Variants in SCN9A observed in about 807,000 individuals in gnomAD.
The protein encoded by SCN9A is sodium channel protein type 9 subunit alpha.
SCN9A carries 131 observed loss-of-function variants against 187.0 expected under a neutral mutation model. The observed-to-expected ratio is 0.70, with a 90% confidence interval of 0.61 to 0.81. The LOEUF is 0.81. Ranked by LOEUF, SCN9A falls within the 30% of genes least tolerant of loss-of-function variation. The pLI, the probability that SCN9A is intolerant of heterozygous loss-of-function variation, is 0.00. For missense variants in SCN9A, 2,252 were observed against 2,396.6 expected (o/e 0.94, Z 1.26); for synonymous variants, 809 against 808.6 (o/e 1.00, Z -0.01).
intron 18 of SCN9A, 60 bp from the exon 19 acceptor site, chr2:166,242,716 C>A: frequency 7.6e-7 from 1 of 1,320,836 alleles, no homozygotes; most frequent in Non-Finnish European, 1.0e-6. Flanking sequence ...ATTTTTAATA[C>A]ATTATTTAAT....
intron 12 of SCN9A, among the ~76,000 whole-genome samples, chr2:166,284,081 G>A (rs1697617634): frequency 6.6e-6 from 1 of 152,150 alleles, no homozygotes; most frequent in South Asian, 2.1e-4. Flanking sequence ...TAGCTGGCAA[G>A]TAATCCAAAT....
intron 4 of SCN9A, 51 bp from the exon 5 acceptor site, chr2:166,305,971 C>T (rs1325890258): frequency 7.5e-6 from 12 of 1,593,150 alleles, no homozygotes; most frequent in Non-Finnish European, 3.4e-6. Context: ...ATACAACCAC[C>T]ATGTAAATCT....
At chr2:166,263,830 G>A (rs1340845993) in intron 17 of SCN9A, among the ~76,000 whole-genome samples, 2 of 151,966 alleles carry the variant, frequency 1.3e-5, no homozygotes, top group Non-Finnish European at 2.9e-5. Flanking sequence ...CAGAGATTGG[G>A]ATGATGCAGC....
At chr2:166,202,890 A>C (rs568095731) in intron 26 of SCN9A, among the ~76,000 whole-genome samples, 4 of 151,802 alleles carry the variant, frequency 2.6e-5, no homozygotes, top group African/African-American at 9.7e-5. Context: ...CATTATATGA[A>C]GAAGGTCATT....
Position 166,340,605 on chromosome 2 carries a change from TTTCTTTCTTTCTTTC to T in SCN9A, c.-50-28814_-50-28800del, listed in dbSNP as rs1559051198. On this transcript the variant is annotated intron_variant, in intron 1 of 26. Transcript: ENST00000642356. ...TTCTTTCTTTCTTTCTTTCTTTCTTTTTCTTTCTTTCTTTCCTTTCTCTTCTTTCTTTTTTGATAG... is the reference window on the plus strand; with the variant it reads ...TTCTTTCTTTCTTTCTTTCTTTCTTTCTTTCTCTTCTTTCTTTTTTGATAG... Among the ~76,000 whole-genome samples, 302 of 74,926 alleles carry T rather than the reference TTTCTTTCTTTCTTTC, an allele frequency of 4.0e-3. 10 individuals carry two copies. The highest frequency in any genetic ancestry group is 0.016 in the African/African-American group (164 of 10,238). The allele number at this position is 74,926 out of a possible 152,430, so 49.2% of individuals were successfully genotyped here. A position where few individuals can be genotyped will look rare whatever the true frequency, so the allele number is the denominator to read the frequency against.
rs1423270183 is a variant in SCN9A, at chr2:166,362,023, A to G, written c.-51+13674T>C. Reference sequence around the variant, plus strand: ...AAAATAAGTGAGTTAAGAAGCATGCATGCCAAAGTATTCTTTGGAACATTT... The same window carrying G: ...AAAATAAGTGAGTTAAGAAGCATGCGTGCCAAAGTATTCTTTGGAACATTT... On this transcript the variant is annotated intron_variant, in intron 1 of 26. Transcript: ENST00000642356. Among the ~76,000 whole-genome samples, 5 of 152,224 alleles carry G rather than the reference A, an allele frequency of 3.3e-5. No homozygotes were observed. The East Asian group carries it at 9.6e-4, about 29-fold the overall frequency.
intron 1 of SCN9A, 30 bp downstream of exon 1, chr2:166,375,667 C>A (rs200292819): frequency 6.6e-6 from 1 of 152,394 alleles, no homozygotes; most frequent in Non-Finnish European, 1.5e-5. Context: ...CTCCCCTCCC[C>A]ACAGAAGCAG....
intron 13 of SCN9A, among the ~76,000 whole-genome samples, chr2:166,281,444 G>C (rs939792750): frequency 2.6e-5 from 4 of 151,722 alleles, no homozygotes; most frequent in Non-Finnish European, 4.4e-5. Context: ...TTTTCATTTT[G>C]CAAAGTCATT....
chr2:166,337,740 A>G (rs959140018), intron 1 of SCN9A, among the ~76,000 whole-genome samples: 1 of 152,064 alleles, frequency 6.6e-6, no homozygotes, highest in South Asian at 2.1e-4. Flanking sequence ...TTTAATCCAG[A>G]CTCCAACACT....
At chr2:166,327,687 TACA>T (rs1006730724) in intron 1 of SCN9A, among the ~76,000 whole-genome samples, 61 of 152,168 alleles carry the variant, frequency 4.0e-4, no homozygotes, top group African/African-American at 1.4e-3. Context: ...CTTTCCTCAC[TACA>T]ACACCTCAAT....
rs1558960914 is a variant in SCN9A at position 166,222,957 on chromosome 2, A to AAAAAAAAAAAAAAAAAAC, written c.4398+3609_4398+3610insGTTTTTTTTTTTTTTTTT. Among the ~76,000 whole-genome samples the AAAAAAAAAAAAAAAAAAC allele has an allele frequency of 1.4e-5, 2 of 146,224 alleles. 1 individual carries two copies. Among genetic ancestry groups the AAAAAAAAAAAAAAAAAAC allele is most frequent in the African/African-American group, 4.9e-5 (2 of 40,512 alleles). On this transcript the variant is annotated intron_variant, in intron 24 of 26. Coordinates refer to ENST00000642356, the MANE Select transcript of SCN9A (RefSeq NM_001365536.1). ...AAAAAAAAAACAACAAAAAAAAAAA[A>AAAAAAAAAAAAAAAAAAC]AAAAAAAAAAAAAAACAGCAACAAA...
At chr2:166,353,450 T>A (rs1025318348) in intron 1 of SCN9A, among the ~76,000 whole-genome samples, 3 of 152,190 alleles carry the variant, frequency 2.0e-5, no homozygotes, top group Non-Finnish European at 4.4e-5. Context: ...TGGTCTGTCA[T>A]AGAAGGTTTT....
intron 26 of SCN9A, among the ~76,000 whole-genome samples, chr2:166,202,258 T>C: frequency 6.6e-6 from 1 of 151,570 alleles, no homozygotes; most frequent in African/African-American, 2.4e-5. Context: ...TAAGAGTATA[T>C]GGTTATATGT....
chr2:166,268,131 G>T (rs1696820174), intron 17 of SCN9A, among the ~76,000 whole-genome samples: 1 of 151,840 alleles, frequency 6.6e-6, no homozygotes, highest in Admixed American at 6.6e-5. Context: ...TTTTCAATAA[G>T]CATTTGTCTA....
At chr2:166,210,206 GA>G (rs1037659992) in intron 24 of SCN9A, among the ~76,000 whole-genome samples, 2 of 151,758 alleles carry the variant, frequency 1.3e-5, no homozygotes, top group Non-Finnish European at 2.9e-5. Context: ...CTATCGCAAG[GA>G]AAAAAACCAA....
chr2:166,304,172 C>A (rs561042263), intron 6 of SCN9A, 66 bp downstream of exon 6: 10 of 1,610,842 alleles, frequency 6.2e-6, no homozygotes, highest in Middle Eastern at 1.6e-4. Context: ...CACAAACGAA[C>A]AAAGAACAAC....
intron 1 of SCN9A, among the ~76,000 whole-genome samples, chr2:166,330,737 C>T (rs1372653404): frequency 2.6e-5 from 4 of 152,088 alleles, no homozygotes; most frequent in East Asian, 1.9e-4. Flanking sequence ...TTAGATCCCT[C>T]GTATGTGCAG....
intron 1 of SCN9A, among the ~76,000 whole-genome samples, chr2:166,334,502 C>T (rs914012858): frequency 6.6e-6 from 1 of 152,080 alleles, no homozygotes; most frequent in Non-Finnish European, 1.5e-5. Flanking sequence ...ATTTTTATGA[C>T]TACTAACTCA....
Position 166,304,235 on chromosome 2 carries a change from T to C in SCN9A, c.688+3A>G. ...CTAATGCTTCACACCAATTACTTCT[T>C]ACCTGGGATTACAGAAATAGTTTTC... On this transcript the variant is annotated splice_donor_region_variant and intron_variant, in intron 6 of 26. Coordinates refer to ENST00000642356, the MANE Select transcript of SCN9A (RefSeq NM_001365536.1). 2 of 1,612,952 alleles carry C rather than the reference T, an allele frequency of 1.2e-6. No homozygotes were observed. The highest frequency in any genetic ancestry group is 1.7e-6 in the Non-Finnish European group (2 of 1,179,112).
Sources: allele counts gnomAD v4.1 joint callset (sites outside exome capture counted in the v4.1 genomes callset), GRCh38; gene constraint gnomAD v4.1.1; transcripts MANE v1.5; gene names NCBI Gene and HGNC (gene_info 2026-07-23, HGNC 2026-07-21).